PTPRT: variants seen among roughly 807,000 people sequenced by gnomAD.
The protein encoded by PTPRT is protein tyrosine phosphatase receptor type T.
Under a neutral mutation model 176.8 loss-of-function variants are expected in PTPRT, and 56 were observed. The ratio of observed to expected loss-of-function variants is 0.32; its 90% CI spans 0.26 to 0.40. The LOEUF (loss-of-function observed/expected upper bound fraction) is 0.40. Ranked by LOEUF, PTPRT falls within the 10% of genes least tolerant of loss-of-function variation. The probability of loss-of-function intolerance (pLI) is 1.00; values close to 1 mark genes in which losing one functional copy is unlikely to be tolerated. For synonymous variants in PTPRT, 783 were observed against 739.0 expected, an observed-to-expected ratio of 1.06 and a Z score of -0.96; for missense variants, 1,540 against 1,908.2, an observed-to-expected ratio of 0.81 and a Z score of 3.60.
chr20:42,577,333 G>C (rs944055206), intron 7 of PTPRT, among the ~76,000 whole-genome samples: 1 of 152,152 alleles, frequency 6.6e-6, no homozygotes, highest in African/African-American at 2.4e-5. Flanking sequence ...GCACAAGGCG[G>C]ATGAGCAAAC....
intron 9 of PTPRT, among the ~76,000 whole-genome samples, chr20:42,357,051 C>T (rs182216442): frequency 6.5e-4 from 99 of 152,300 alleles, no homozygotes; most frequent in African/African-American, 2.2e-3. Flanking sequence ...TTTCCAGAGT[C>T]ACCTGTCTCT....
intron 1 of PTPRT, among the ~76,000 whole-genome samples, chr20:43,057,499 A>C (rs74930173): frequency 0.027 from 4,044 of 152,216 alleles, 187 homozygotes; most frequent in African/African-American, 0.093. Context: ...GGAAGAAAAA[A>C]ACTAAAAAAG....
chr20:42,724,939 C>A (rs1600665480), intron 6 of PTPRT, among the ~76,000 whole-genome samples: 1 of 151,994 alleles, frequency 6.6e-6, no homozygotes, highest in South Asian at 2.1e-4. Flanking sequence ...CTCCATCATA[C>A]CAGCAAAATC....
At chr20:42,485,903 T>G (rs369934436) in intron 7 of PTPRT, among the ~76,000 whole-genome samples, 3 of 152,368 alleles carry the variant, frequency 2.0e-5, no homozygotes, top group Admixed American at 6.5e-5. Flanking sequence ...GGAGGCTTAT[T>G]TTCTGTCGAA....
chr20:42,754,350 T>C (rs1198449054), intron 6 of PTPRT, among the ~76,000 whole-genome samples: 1 of 152,100 alleles, frequency 6.6e-6, no homozygotes, highest in Admixed American at 6.5e-5. Context: ...CACACCCAGC[T>C]ATTTTTTGTA....
intron 2 of PTPRT, among the ~76,000 whole-genome samples, chr20:42,868,757 A>G (rs2078793918): frequency 6.6e-6 from 1 of 152,234 alleles, no homozygotes; most frequent in African/African-American, 2.4e-5. Context: ...GGCATTTCAA[A>G]GATCTCTAAA....
chr20:43,169,549 G>C (rs1215296378), intron 1 of PTPRT, among the ~76,000 whole-genome samples: 13 of 152,220 alleles, frequency 8.5e-5, no homozygotes, highest in Admixed American at 7.8e-4. Context: ...GGTCCAAACT[G>C]TCATTTCAAT....
chr20:42,215,720 C>T (rs1217138593), intron 15 of PTPRT, among the ~76,000 whole-genome samples: 1 of 152,218 alleles, frequency 6.6e-6, no homozygotes, highest in South Asian at 2.1e-4. Context: ...ATCTTGGATT[C>T]TCTGGCTGGA....
chr20:42,986,857 G>A (rs1029902974), intron 1 of PTPRT, among the ~76,000 whole-genome samples: 9 of 152,154 alleles, frequency 5.9e-5, no homozygotes, highest in African/African-American at 2.2e-4. Context: ...CTGTACAGTG[G>A]GGGCTTCTGT....
intron 7 of PTPRT, among the ~76,000 whole-genome samples, chr20:42,629,268 G>A (rs939499953): frequency 2.0e-5 from 3 of 151,678 alleles, no homozygotes; most frequent in Non-Finnish European, 4.4e-5. Context: ...AAGTAGTTCT[G>A]TCTTCTCCAG....
At chr20:43,134,207 A>G (rs1042157951) in intron 1 of PTPRT, among the ~76,000 whole-genome samples, 4 of 152,220 alleles carry the variant, frequency 2.6e-5, no homozygotes, top group Admixed American at 1.3e-4. Flanking sequence ...GTTATAGATC[A>G]GTTTAATTTA....
intron 15 of PTPRT, among the ~76,000 whole-genome samples, chr20:42,222,357 A>ACTCTGC (rs1173143467): frequency 6.6e-6 from 1 of 152,094 alleles, no homozygotes; most frequent in Admixed American, 6.5e-5. Flanking sequence ...GGATTTGTCC[A>ACTCTGC]CTCTGCCTGG....
chr20:42,966,813 G>A (rs1379817732), intron 1 of PTPRT, among the ~76,000 whole-genome samples: 3 of 152,206 alleles, frequency 2.0e-5, no homozygotes, highest in Admixed American at 6.5e-5. Flanking sequence ...TAAAAATCAA[G>A]GAGAAATTTC....
chr20:42,799,674 C>T (rs1043209927), intron 2 of PTPRT, among the ~76,000 whole-genome samples: 2 of 152,200 alleles, frequency 1.3e-5, no homozygotes, highest in Non-Finnish European at 2.9e-5. Flanking sequence ...TGGCAAAGTC[C>T]AGATGAAACT....
intron 16 of PTPRT, among the ~76,000 whole-genome samples, chr20:42,172,626 A>G (rs1376992208): frequency 1.3e-5 from 2 of 152,210 alleles, no homozygotes; most frequent in Admixed American, 1.3e-4. Flanking sequence ...AGTTTTCCCC[A>G]ATGTTAACAC....
At chr20:42,699,320 A>T (rs1027670514) in intron 6 of PTPRT, among the ~76,000 whole-genome samples, 3 of 152,164 alleles carry the variant, frequency 2.0e-5, no homozygotes, top group African/African-American at 7.2e-5. Flanking sequence ...TCTTCCTTCA[A>T]GGCCCTGTTA....
chr20:43,019,815 C>A (rs926206494), intron 1 of PTPRT, among the ~76,000 whole-genome samples: 3 of 151,740 alleles, frequency 2.0e-5, no homozygotes, highest in Non-Finnish European at 2.9e-5. Context: ...TCTCCCAGAG[C>A]CAGGAGCGTT....
At chr20:42,097,008 C>A (rs1291446938) in intron 27 of PTPRT, among the ~76,000 whole-genome samples, 2 of 152,118 alleles carry the variant, frequency 1.3e-5, no homozygotes. Context: ...AAAGGACTGA[C>A]CCCTCTAAGG....
At chr20:42,054,006 T>C in the PTPRT span, among the ~76,000 whole-genome samples, 1 of 152,144 alleles carries the variant, frequency 6.6e-6, no homozygotes, top group African/African-American at 2.4e-5. Context: ...CAGGGATCAG[T>C]CTCTGGTCAA....
Sources: allele counts gnomAD v4.1 joint callset (sites outside exome capture counted in the v4.1 genomes callset), GRCh38; gene constraint gnomAD v4.1.1; transcripts MANE v1.5; gene names NCBI Gene and HGNC (gene_info 2026-07-23, HGNC 2026-07-21).